Variants in SORCS1 observed in about 807,000 individuals in gnomAD.
SORCS1 encodes the protein sortilin related VPS10 domain containing receptor 1.
Under a neutral mutation model 146.1 loss-of-function variants are expected in SORCS1, and 60 were observed. The observed-to-expected ratio is 0.41, with a 90% CI of 0.33 to 0.51. SORCS1 has a LOEUF of 0.51. SORCS1 is among the 20% of genes least tolerant of loss of function. The pLI, the probability that SORCS1 is intolerant of heterozygous loss-of-function variation, is 0.21. For missense variants in SORCS1, 1,352 were observed against 1,487.6 expected, an observed-to-expected ratio of 0.91 and a Z score of 1.50; for synonymous variants, 637 against 584.0, an observed-to-expected ratio of 1.09 and a Z score of -1.31.
intron 18 of SORCS1, among the ~76,000 whole-genome samples, chr10:106,634,459 G>A (rs1040608960): frequency 1.3e-5 from 2 of 152,174 alleles, no homozygotes; most frequent in Admixed American, 1.3e-4. Flanking sequence ...AGCACAGAGG[G>A]GTTAAGATGC....
chr10:106,983,550 A>C (rs190945757), intron 1 of SORCS1, among the ~76,000 whole-genome samples: 1 of 152,120 alleles, frequency 6.6e-6, no homozygotes, highest in Non-Finnish European at 1.5e-5. Flanking sequence ...AGAGTCAGCT[A>C]TCTAAGTAAG....
intron 2 of SORCS1, among the ~76,000 whole-genome samples, chr10:106,850,925 G>A (rs1023295815): frequency 6.6e-6 from 1 of 152,016 alleles, no homozygotes; most frequent in African/African-American, 2.4e-5. Flanking sequence ...CTATCTTCTA[G>A]CCAATTGCAA....
chr10:107,148,866 AG>A lies in SORCS1; in HGVS notation c.558+15102del, dbSNP rs901627451. Reference sequence around the variant, plus strand: ...CTGGGGATAGTCATTTATTTGTCTCAGGGCATATTTGGGATCTGCTGAAAAG... The same window carrying A: ...CTGGGGATAGTCATTTATTTGTCTCAGGCATATTTGGGATCTGCTGAAAAG... On this transcript the variant is annotated intron_variant, in intron 1 of 25. Coordinates refer to ENST00000263054, the MANE Select transcript of SORCS1 (RefSeq NM_052918.5). 2.4e-3 allele frequency among the ~76,000 whole-genome samples: 362 copies of A among 152,330 alleles called. 6 individuals are homozygous for A. Among genetic ancestry groups the A allele is most frequent in the Non-Finnish European group, 7.9e-4 (54 of 68,030 alleles).
intron 2 of SORCS1, among the ~76,000 whole-genome samples, chr10:106,869,373 G>A (rs1241542787): frequency 7.2e-5 from 11 of 151,956 alleles, no homozygotes; most frequent in Non-Finnish European, 1.0e-4. Context: ...CCAAAACCTC[G>A]CAGACACACA....
chr10:106,938,139 A>G (rs1486513031), intron 2 of SORCS1, among the ~76,000 whole-genome samples: 1 of 152,150 alleles, frequency 6.6e-6, no homozygotes, highest in Admixed American at 6.5e-5. Context: ...GGATGTAGAA[A>G]CTAGGGCCTG....
At chr10:107,114,826 G>C (rs1164867890) in intron 1 of SORCS1, among the ~76,000 whole-genome samples, 2 of 152,024 alleles carry the variant, frequency 1.3e-5, no homozygotes, top group South Asian at 2.1e-4. Flanking sequence ...TATGTTTGCA[G>C]GTGTCATAAT....
chr10:107,151,401 G>T (rs1237854231), intron 1 of SORCS1, among the ~76,000 whole-genome samples: 1 of 152,138 alleles, frequency 6.6e-6, no homozygotes, highest in Non-Finnish European at 1.5e-5. Context: ...ACCTGAGACT[G>T]GGAAGAAAAA....
intron 1 of SORCS1, among the ~76,000 whole-genome samples, chr10:107,087,319 G>C (rs1471404929): frequency 6.6e-6 from 1 of 151,906 alleles, no homozygotes; most frequent in East Asian, 1.9e-4. Context: ...TTGCACAGTG[G>C]CTCTGGCCAG....
chr10:106,961,734 T>A lies in SORCS1; in HGVS notation c.559-5154A>T, dbSNP rs537367093. On this transcript the variant is annotated intron_variant, in intron 1 of 25. Coordinates refer to ENST00000263054, the MANE Select transcript of SORCS1 (RefSeq NM_052918.5). ...ACCAGTGCCATGACAGTTGAGAAGT[T>A]CCATAGCAACACCTGCAAGTTACCA... Among the ~76,000 whole-genome samples, 28 of 152,274 alleles carry A rather than the reference T, an allele frequency of 1.8e-4. No individual in the cohort carries two copies. In the South Asian group the frequency reaches 4.6e-3, roughly 25 times the overall value.
chr10:106,804,878 G>T (rs1457328157), intron 3 of SORCS1, among the ~76,000 whole-genome samples: 1 of 152,054 alleles, frequency 6.6e-6, no homozygotes, highest in African/African-American at 2.4e-5. Context: ...GGATATAAGC[G>T]CACTAAGAAA....
chr10:106,711,747 T>G (rs1460345953), intron 6 of SORCS1, among the ~76,000 whole-genome samples: 1 of 152,338 alleles, frequency 6.6e-6, no homozygotes, highest in East Asian at 1.9e-4. Context: ...GGCATTCCTG[T>G]AATTTCACGT....
At position 107,062,724 on chromosome 10, in the gene SORCS1, T is replaced by A. The variant is rs565259527; in HGVS notation, c.558+101245A>T. On this transcript the variant is annotated intron_variant, in intron 1 of 25. Coordinates refer to ENST00000263054, the MANE Select transcript of SORCS1 (RefSeq NM_052918.5). The stretch of plus-strand genomic sequence containing the variant: ...AAAGCACCTGGGTTTATGACATGCC[T>A]CTATTACCTCCTTTCCTCTTACGTC... Among the ~76,000 whole-genome samples, 19 of 152,266 alleles carry A rather than the reference T, an allele frequency of 1.2e-4. No homozygotes were observed. In the South Asian group the frequency reaches 3.9e-3, roughly 32 times the overall value.
chr10:106,855,040 T>C (rs746995618), intron 2 of SORCS1, among the ~76,000 whole-genome samples: 11 of 152,148 alleles, frequency 7.2e-5, no homozygotes, highest in Non-Finnish European at 1.0e-4. Flanking sequence ...TTAACATTTA[T>C]TTCAAAGCAG....
intron 3 of SORCS1, among the ~76,000 whole-genome samples, chr10:106,785,546 A>G (rs1024922513): frequency 6.6e-6 from 1 of 152,074 alleles, no homozygotes; most frequent in African/African-American, 2.4e-5. Flanking sequence ...GGTAGAGGGA[A>G]TTTTTTCCCT....
intron 3 of SORCS1, among the ~76,000 whole-genome samples, chr10:106,811,093 C>G (rs1395088393): frequency 6.6e-6 from 1 of 152,024 alleles, no homozygotes; most frequent in Non-Finnish European, 1.5e-5. Context: ...GCGCCTACCA[C>G]CACATCCGGC....
At chr10:106,875,364 C>T (rs1950557504) in intron 2 of SORCS1, among the ~76,000 whole-genome samples, 1 of 152,156 alleles carries the variant, frequency 6.6e-6, no homozygotes, top group Admixed American at 6.5e-5. Context: ...ATTCGTTGGT[C>T]AGTGGGCACT....
At chr10:106,842,136 C>T (rs544607408) in intron 2 of SORCS1, among the ~76,000 whole-genome samples, 114 of 151,824 alleles carry the variant, frequency 7.5e-4, no homozygotes, top group Non-Finnish European at 1.4e-3. Context: ...TGTATAGCAG[C>T]GTATCATTTT....
chr10:106,836,406 G>T (rs915058574), intron 2 of SORCS1, among the ~76,000 whole-genome samples: 1 of 151,162 alleles, frequency 6.6e-6, no homozygotes, highest in Admixed American at 6.6e-5. Context: ...CCCAGGAGGC[G>T]GAGCTTTGCA....
At chr10:107,071,161 A>G (rs1962389345) in intron 1 of SORCS1, among the ~76,000 whole-genome samples, 1 of 152,174 alleles carries the variant, frequency 6.6e-6, no homozygotes, top group African/African-American at 2.4e-5. Context: ...ACCCTGGCAG[A>G]GAAAACTGGT....
Sources: gnomAD v4.1 joint callset for allele counts (sites outside exome capture counted in the v4.1 genomes callset) on GRCh38, gnomAD v4.1.1 for gene constraint, MANE v1.5 for transcripts, NCBI Gene and HGNC (gene_info 2026-07-23, HGNC 2026-07-21) for gene names.